The following ADAMTS12 variants were observed in gnomAD, a reference collection of about 807,000 sequenced individuals.
ADAMTS12 encodes A disintegrin and metalloproteinase with thrombospondin motifs 12.
ADAMTS12 carries 118 observed loss-of-function variants against 167.8 expected under a neutral mutation model. That is an observed-to-expected ratio of 0.70 (90% confidence interval 0.61 to 0.82). The LOEUF (loss-of-function observed/expected upper bound fraction) is 0.82, where lower values mean the gene tolerates loss of function less well. Among genes scored for constraint, ADAMTS12 ranks in the 40% least tolerant of loss-of-function variants. The probability of loss-of-function intolerance (pLI) is 0.00; values close to 1 mark genes in which losing one functional copy is unlikely to be tolerated. For missense variants in ADAMTS12, 1,916 were observed against 1,998.8 expected (o/e 0.96, Z 0.79); for synonymous variants, 704 against 716.9 (o/e 0.98, Z 0.29).
At chr5:33,835,939 CTCTCTCTCTCTCTCTGTGTGTG>C (rs763194983) in intron 2 of ADAMTS12, among the ~76,000 whole-genome samples, 1,536 of 56,110 alleles carry the variant, frequency 0.027, 55 homozygotes, top group African/African-American at 0.057. Context: ...CTCTCTCTCT[CTCTCTCTCTCTCTCTGTGTGTG>C]TGTGTGTGTC....
At chr5:33,543,459 T>C (rs1194809128) in intron 22 of ADAMTS12, among the ~76,000 whole-genome samples, 1 of 152,202 alleles carries the variant, frequency 6.6e-6, no homozygotes, top group Non-Finnish European at 1.5e-5. Context: ...TACCATTTAT[T>C]CTGAAACTAT....
chr5:33,743,126 C>G (rs372483835), intron 3 of ADAMTS12, among the ~76,000 whole-genome samples: 2 of 152,128 alleles, frequency 1.3e-5, no homozygotes, highest in African/African-American at 4.8e-5. Flanking sequence ...AGGGCAAAGG[C>G]CCTGCAGTGA....
intron 2 of ADAMTS12, among the ~76,000 whole-genome samples, chr5:33,839,698 G>C (rs1425959454): frequency 6.6e-6 from 1 of 152,142 alleles, no homozygotes; most frequent in Non-Finnish European, 1.5e-5. Context: ...CCACAACACA[G>C]TGTTCTCCAC....
chr5:33,766,037 C>G (rs1284887233), intron 2 of ADAMTS12, among the ~76,000 whole-genome samples: 2 of 152,138 alleles, frequency 1.3e-5, no homozygotes, highest in East Asian at 3.8e-4. Context: ...AAGTCTACAT[C>G]TGAAGATATC....
At chr5:33,831,458 G>C (rs1450797979) in intron 2 of ADAMTS12, among the ~76,000 whole-genome samples, 1 of 152,210 alleles carries the variant, frequency 6.6e-6, no homozygotes, top group Non-Finnish European at 1.5e-5. Flanking sequence ...GCTATCCTGT[G>C]AAAGTTTCTG....
intron 2 of ADAMTS12, among the ~76,000 whole-genome samples, chr5:33,876,489 C>A (rs1750232010): frequency 6.6e-6 from 1 of 151,834 alleles, no homozygotes; most frequent in Non-Finnish European, 1.5e-5. Flanking sequence ...TAATTTTTTA[C>A]AAAAGTGCAA....
At chr5:33,791,856 C>A (rs1746584204) in intron 2 of ADAMTS12, among the ~76,000 whole-genome samples, 1 of 141,374 alleles carries the variant, frequency 7.1e-6, no homozygotes, top group African/African-American at 2.9e-5. Context: ...TCCTCCAAGC[C>A]TAACTCAGAT....
chr5:33,854,890 G>A (rs1325211722), intron 2 of ADAMTS12, among the ~76,000 whole-genome samples: 2 of 152,168 alleles, frequency 1.3e-5, no homozygotes, highest in Admixed American at 6.5e-5. Context: ...ATCCTGGGGG[G>A]CAGAGTCAGG....
At chr5:33,775,879 A>G (rs1745895933) in intron 2 of ADAMTS12, among the ~76,000 whole-genome samples, 1 of 152,246 alleles carries the variant, frequency 6.6e-6, no homozygotes, top group South Asian at 2.1e-4. Flanking sequence ...TAATGAGGAC[A>G]GAGCCCTCGT....
intron 1 of ADAMTS12, among the ~76,000 whole-genome samples, chr5:33,884,943 A>T (rs1561328528): frequency 6.6e-6 from 1 of 152,236 alleles, no homozygotes; most frequent in Non-Finnish European, 1.5e-5. Context: ...ACGAACGAAA[A>T]GCAATCACAT....
intron 3 of ADAMTS12, among the ~76,000 whole-genome samples, chr5:33,728,009 T>C (rs1024212451): frequency 1.3e-5 from 2 of 152,180 alleles, no homozygotes; most frequent in Admixed American, 1.3e-4. Context: ...AGCATGAAGA[T>C]TGCAACCCCT....
intron 21 of ADAMTS12, among the ~76,000 whole-genome samples, chr5:33,546,764 AC>A (rs1175014294): frequency 2.0e-5 from 3 of 152,234 alleles, no homozygotes; most frequent in Non-Finnish European, 2.9e-5. Flanking sequence ...GTTTTTGCTT[AC>A]TAGAATAATT....
At chr5:33,641,754 C>T in intron 11 of ADAMTS12, 56 bp downstream of exon 11, 1 of 1,470,530 alleles carries the variant, frequency 6.8e-7, no homozygotes, top group East Asian at 2.4e-5. Flanking sequence ...AAGACTGCCC[C>T]CCATCCCGCC....
chr5:33,755,661 C>G (rs1745142220), intron 2 of ADAMTS12, among the ~76,000 whole-genome samples: 2 of 152,154 alleles, frequency 1.3e-5, no homozygotes, highest in Admixed American at 1.3e-4. Flanking sequence ...GTTGTGCCTT[C>G]TGGAGTACCA....
chr5:33,852,339 G>T (rs548335343), intron 2 of ADAMTS12, among the ~76,000 whole-genome samples: 1 of 152,164 alleles, frequency 6.6e-6, no homozygotes, highest in African/African-American at 2.4e-5. Context: ...AAAGATAGTA[G>T]TATCTGATGA....
intron 3 of ADAMTS12, among the ~76,000 whole-genome samples, chr5:33,710,422 C>T (rs1193225454): frequency 6.6e-6 from 1 of 152,164 alleles, no homozygotes; most frequent in Non-Finnish European, 1.5e-5. Flanking sequence ...AATCGTAACA[C>T]ATTTTAGAGG....
At chr5:33,660,035 T>C (rs569257339) in intron 6 of ADAMTS12, among the ~76,000 whole-genome samples, 2 of 152,220 alleles carry the variant, frequency 1.3e-5, no homozygotes, top group African/African-American at 4.8e-5. Context: ...CTGCTAAATA[T>C]CTTACAATGC....
In ADAMTS12 at chr5:33,549,207, C is replaced by T. The variant is rs769350502; in HGVS notation, c.4302G>A (p.Gln1434=). 21 of 1,612,572 alleles carry T rather than the reference C, an allele frequency of 1.3e-5. No individual in the cohort carries two copies. The highest frequency in any genetic ancestry group is 1.7e-4 in the Middle Eastern group (1 of 6,048). The part of the protein sequence containing the change: ...CEAWQVEPWS[Q]CSRSCGGGVQ... ...ATCTCTCCCTTTGTGGGGGACCTAC[C>T]TGGCTCCAAGGCTCCACCTGCCACG... Residue 1434 remains glutamine, a splice_region_variant and synonymous_variant, in exon 21 of 24, where the codon CAG becomes CAA. Transcript: ENST00000504830.
intron 21 of ADAMTS12, 119 bp from the exon 22 acceptor site, chr5:33,546,321 T>G: frequency 1.1e-6 from 1 of 924,692 alleles, no homozygotes; most frequent in Non-Finnish European, 1.5e-6. Flanking sequence ...TATTGGTATC[T>G]GTATTAGAAT....
Sources: allele counts gnomAD v4.1 joint callset (sites outside exome capture counted in the v4.1 genomes callset), GRCh38; gene constraint gnomAD v4.1.1; transcripts MANE v1.5; gene names NCBI Gene and HGNC (gene_info 2026-07-23, HGNC 2026-07-21).